PTPRD: variants seen among roughly 807,000 people sequenced by gnomAD.
The protein encoded by PTPRD is receptor-type tyrosine-protein phosphatase delta.
A neutral mutation model predicts 214.5 loss-of-function variants in PTPRD; 34 were observed. That is an observed-to-expected ratio of 0.16 (90% CI 0.12 to 0.21). The LOEUF (loss-of-function observed/expected upper bound fraction) is 0.21, where lower values mean the gene tolerates loss of function less well. Ranked by LOEUF, PTPRD falls within the 10% of genes least tolerant of loss-of-function variation. The pLI is 1.00. For missense variants in PTPRD, 2,545 were observed against 2,398.7 expected, an observed-to-expected ratio of 1.06 and a Z score of -1.27; for synonymous variants, 1,128 against 845.7, an observed-to-expected ratio of 1.33 and a Z score of -5.79.
chr9:9,509,627 T>C (rs2096651922), intron 8 of PTPRD, among the ~76,000 whole-genome samples: 2 of 151,622 alleles, frequency 1.3e-5, no homozygotes, highest in Non-Finnish European at 3.0e-5. Context: ...GGAGATAGAT[T>C]TGAGACTGAT....
chr9:10,474,716 C>T (rs1048804027), intron 2 of PTPRD, among the ~76,000 whole-genome samples: 4 of 151,934 alleles, frequency 2.6e-5, no homozygotes, highest in Admixed American at 6.6e-5. Context: ...TACTCTAAAA[C>T]AGACCACATA....
intron 5 of PTPRD, among the ~76,000 whole-genome samples, chr9:9,910,663 T>G (rs372180068): frequency 1.3e-5 from 2 of 152,028 alleles, no homozygotes; most frequent in Non-Finnish European, 2.9e-5. Context: ...TAATTTTGTC[T>G]TTTATGCATT....
intron 3 of PTPRD, among the ~76,000 whole-genome samples, chr9:10,286,759 C>T (rs769939911): frequency 1.3e-5 from 2 of 151,934 alleles, no homozygotes; most frequent in East Asian, 1.9e-4. Flanking sequence ...AGACCAAGCC[C>T]GACTAATTTT....
chr9:8,516,194 G>A (rs10119236), intron 21 of PTPRD, among the ~76,000 whole-genome samples: 52,850 of 151,972 alleles, frequency 0.35, 10,294 homozygotes, highest in African/African-American at 0.54. Context: ...CAAGATTTAC[G>A]GATGTCTACA....
chr9:10,172,947 A>T (rs539626182), intron 3 of PTPRD, among the ~76,000 whole-genome samples: 1 of 147,130 alleles, frequency 6.8e-6, no homozygotes, highest in South Asian at 2.2e-4. Flanking sequence ...AATAAAACTA[A>T]TAGTGAAAAG....
intron 9 of PTPRD, among the ~76,000 whole-genome samples, chr9:9,340,961 C>G (rs370780482): frequency 6.6e-6 from 1 of 152,216 alleles, no homozygotes. Context: ...CCTCTTCTAA[C>G]AATACAAGTT....
At chr9:10,163,741 C>T (rs2099142523) in intron 3 of PTPRD, among the ~76,000 whole-genome samples, 1 of 151,358 alleles carries the variant, frequency 6.6e-6, no homozygotes, top group African/African-American at 2.4e-5. Flanking sequence ...CTTAGTAATC[C>T]TCTTCAAAAA....
At chr9:9,145,775 C>T (rs2099867584) in intron 10 of PTPRD, among the ~76,000 whole-genome samples, 1 of 152,164 alleles carries the variant, frequency 6.6e-6, no homozygotes, top group Non-Finnish European at 1.5e-5. Flanking sequence ...GGACTATGGC[C>T]ATATACTTTT....
chr9:8,481,808 A>C (rs2096892328), intron 30 of PTPRD, among the ~76,000 whole-genome samples: 1 of 150,492 alleles, frequency 6.6e-6, no homozygotes, highest in Non-Finnish European at 1.5e-5. Flanking sequence ...TTTGAGACGG[A>C]GTATACCTCT....
At chr9:8,855,549 G>A (rs1401543422) in intron 11 of PTPRD, among the ~76,000 whole-genome samples, 1 of 152,042 alleles carries the variant, frequency 6.6e-6, no homozygotes, top group East Asian at 1.9e-4. Flanking sequence ...AAATATATTT[G>A]AGAGAGACAG....
chr9:8,601,911 C>T (rs1434441533), intron 14 of PTPRD, among the ~76,000 whole-genome samples: 1 of 152,132 alleles, frequency 6.6e-6, no homozygotes, highest in Non-Finnish European at 1.5e-5. Flanking sequence ...ACAAAAGGTA[C>T]ACAACCAGCC....
chr9:8,738,725 T>A (rs989267482), intron 11 of PTPRD, among the ~76,000 whole-genome samples: 18 of 152,016 alleles, frequency 1.2e-4, no homozygotes, highest in African/African-American at 4.3e-4. Flanking sequence ...GAGAACCAAA[T>A]CATTACTCTG....
intron 5 of PTPRD, among the ~76,000 whole-genome samples, chr9:9,909,505 C>A (rs1291569249): frequency 1.3e-5 from 2 of 151,518 alleles, no homozygotes; most frequent in African/African-American, 2.4e-5. Context: ...GGCCTTAACC[C>A]CTCCATTCTA....
intron 2 of PTPRD, among the ~76,000 whole-genome samples, chr9:10,376,405 A>T (rs1362666962): frequency 6.6e-6 from 1 of 151,774 alleles, no homozygotes; most frequent in Non-Finnish European, 1.5e-5. Context: ...AAGAAATAAT[A>T]TTAATATATT....
intron 34 of PTPRD, among the ~76,000 whole-genome samples, chr9:8,441,773 A>T (rs1387543346): frequency 6.6e-6 from 1 of 152,118 alleles, no homozygotes; most frequent in Admixed American, 6.5e-5. Flanking sequence ...CAATTAGAAA[A>T]ATGAAGCCCA....
chr9:10,239,712 T>A (rs77465299), intron 3 of PTPRD, among the ~76,000 whole-genome samples: 2 of 143,032 alleles, frequency 1.4e-5, no homozygotes, highest in Non-Finnish European at 3.1e-5. Context: ...CAGAAAAAAA[T>A]GACAATAATG....
intron 10 of PTPRD, among the ~76,000 whole-genome samples, chr9:9,089,799 A>G (rs2099772946): frequency 6.6e-6 from 1 of 152,232 alleles, no homozygotes; most frequent in Non-Finnish European, 1.5e-5. Flanking sequence ...AAAGTAAGAA[A>G]TAAGGAAACA....
chr9:9,288,335 C>A (rs1950137635), intron 9 of PTPRD, among the ~76,000 whole-genome samples: 1 of 151,808 alleles, frequency 6.6e-6, no homozygotes, highest in African/African-American at 2.4e-5. Context: ...ACTCTACCCT[C>A]CTCTACTCTG....
At chr9:9,222,439 A>G (rs1036551421) in intron 9 of PTPRD, among the ~76,000 whole-genome samples, 1 of 152,050 alleles carries the variant, frequency 6.6e-6, no homozygotes, top group African/African-American at 2.4e-5. Flanking sequence ...TGGAATTTTC[A>G]ATTATGTAGC....
Sources: gnomAD v4.1 joint callset for allele counts (sites outside exome capture counted in the v4.1 genomes callset) on GRCh38, gnomAD v4.1.1 for gene constraint, MANE v1.5 for transcripts, NCBI Gene and HGNC (gene_info 2026-07-23, HGNC 2026-07-21) for gene names.